The following PDLIM1 variants were observed in gnomAD, a reference collection of about 807,000 sequenced individuals.
The protein encoded by PDLIM1 is PDZ and LIM domain 1.
Under a neutral mutation model 35.2 loss-of-function variants are expected in PDLIM1, and 25 were observed. The ratio of observed to expected loss-of-function variants is 0.71; its 90% confidence interval spans 0.52 to 0.99. The LOEUF (loss-of-function observed/expected upper bound fraction) is 0.99, where lower values mean the gene tolerates loss of function less well. Among genes scored for constraint, PDLIM1 ranks in the 50% least tolerant of loss-of-function variants. The pLI is 0.00. For synonymous variants in PDLIM1, 152 were observed against 154.0 expected (o/e 0.99, Z 0.10); for missense variants, 363 against 415.3 (o/e 0.87, Z 1.09).
chr10:95,282,692 C>T (rs2035570979), intron 1 of PDLIM1, among the ~76,000 whole-genome samples: 1 of 152,220 alleles, frequency 6.6e-6, no homozygotes, highest in Non-Finnish European at 1.5e-5. Flanking sequence ...GTAATCCCAG[C>T]ACTTTGGGAG....
chr10:95,264,062 T>G lies in PDLIM1; in HGVS notation c.335A>C (p.Glu112Ala), dbSNP rs1380692285. Reference sequence around the variant, plus strand: ...GTGGGCGCTTCCTATGTGCAGGACCTCCTGCAGGCAGGGATCAGAGGAGAA... The same window carrying G: ...GTGGGCGCTTCCTATGTGCAGGACCGCCTGCAGGCAGGGATCAGAGGAGAA... The part of the protein sequence containing the change: ...YKMNLASEPQ[E>A]VLHIGSAHNR... The change falls in exon 4 of 7, where the codon GAG becomes GCG. Residue 112 changes from glutamate (E) to alanine (A), a missense_variant and splice_region_variant. Transcript: ENST00000329399. 1 of 1,613,082 alleles carries G rather than the reference T, an allele frequency of 6.2e-7. No homozygotes were observed. Among genetic ancestry groups the G allele is most frequent in the Admixed American group, 1.7e-5 (1 of 60,000 alleles).
intron 1 of PDLIM1, among the ~76,000 whole-genome samples, chr10:95,275,153 C>A (rs2035500102): frequency 6.6e-6 from 1 of 152,158 alleles, no homozygotes; most frequent in Non-Finnish European, 1.5e-5. Context: ...ACTGGATGCC[C>A]CCCGACCAAG....
chr10:95,276,884 G>C (rs913716616), intron 1 of PDLIM1, among the ~76,000 whole-genome samples: 1 of 107,936 alleles, frequency 9.3e-6, no homozygotes, highest in African/African-American at 3.7e-5. Flanking sequence ...AATAGAGTCA[G>C]CTTCAGTTTC....
At chr10:95,245,775 C>T (rs950909446) in intron 5 of PDLIM1, among the ~76,000 whole-genome samples, 1 of 152,170 alleles carries the variant, frequency 6.6e-6, no homozygotes, top group African/African-American at 2.4e-5. Context: ...CCATGGTTTC[C>T]TAATTTCCTA....
At chr10:95,253,012 G>T (rs1306063962) in intron 4 of PDLIM1, among the ~76,000 whole-genome samples, 1 of 151,984 alleles carries the variant, frequency 6.6e-6, no homozygotes, top group Non-Finnish European at 1.5e-5. Flanking sequence ...TTTGGCAAAA[G>T]ACATAAAGAA....
intron 4 of PDLIM1, among the ~76,000 whole-genome samples, chr10:95,254,671 C>T (rs1463220289): frequency 1.3e-5 from 2 of 152,060 alleles, no homozygotes; most frequent in South Asian, 2.1e-4. Context: ...AATCCCAGTA[C>T]TTTGGGAGGT....
intron 1 of PDLIM1, among the ~76,000 whole-genome samples, chr10:95,283,835 C>T (rs2035578955): frequency 1.3e-5 from 2 of 152,206 alleles, no homozygotes; most frequent in South Asian, 4.1e-4. Flanking sequence ...ACTGCTAAAC[C>T]TCCCTGTGCC....
chr10:95,256,986 A>AAAAAGAAAGAAAGAAAGAAAG (rs1554832103), intron 4 of PDLIM1, among the ~76,000 whole-genome samples: 1 of 61,658 alleles, frequency 1.6e-5, no homozygotes, highest in African/African-American at 6.7e-5. Context: ...AAAAAAAAAA[A>AAAAAGAAAGAAAGAAAGAAAG]AAAGAAAGAA....
chr10:95,270,952 T>C (rs532369425), intron 2 of PDLIM1, among the ~76,000 whole-genome samples: 3 of 151,526 alleles, frequency 2.0e-5, no homozygotes, highest in Non-Finnish European at 4.4e-5. Flanking sequence ...GGTTTCACCA[T>C]GTTGGCCAGG....
chr10:95,238,883 T>C (rs2035150264), intron 5 of PDLIM1, 198 bp from the exon 6 acceptor site: 2 of 505,780 alleles, frequency 4.0e-6, no homozygotes, highest in Admixed American at 6.4e-5. Context: ...GATTAACACC[T>C]GGCCAAAGAA....
intron 1 of PDLIM1, among the ~76,000 whole-genome samples, chr10:95,287,876 G>A (rs939866844): frequency 1.3e-5 from 2 of 151,066 alleles, no homozygotes; most frequent in East Asian, 1.9e-4. Flanking sequence ...AGTTGATAAC[G>A]ATACTAGATG....
chr10:95,269,571 CAAAAAA>C (rs11443591), intron 2 of PDLIM1, among the ~76,000 whole-genome samples: 1 of 130,350 alleles, frequency 7.7e-6, no homozygotes, highest in Non-Finnish European at 1.6e-5. Flanking sequence ...GACTCCATCC[CAAAAAA>C]AAAAAAAAAA....
At chr10:95,263,796 C>G (rs1055031071) in intron 4 of PDLIM1, 68 bp downstream of exon 4, 2 of 1,254,210 alleles carry the variant, frequency 1.6e-6, no homozygotes, top group Non-Finnish European at 2.2e-6. Flanking sequence ...CCTGCCTGGG[C>G]AGCCCTGGTC....
At chr10:95,284,635 T>C (rs2035586971) in intron 1 of PDLIM1, among the ~76,000 whole-genome samples, 1 of 152,206 alleles carries the variant, frequency 6.6e-6, no homozygotes, top group Admixed American at 6.5e-5. Flanking sequence ...ATTACAGACA[T>C]AAGCCACCAA....
At chr10:95,259,957 CA>C (rs1215227441) in intron 4 of PDLIM1, among the ~76,000 whole-genome samples, 2 of 152,108 alleles carry the variant, frequency 1.3e-5, no homozygotes, top group Admixed American at 1.3e-4. Context: ...ATTTAATGGG[CA>C]AGAAAGAAGT....
intron 5 of PDLIM1, among the ~76,000 whole-genome samples, chr10:95,243,059 A>G (rs1054034855): frequency 2.0e-5 from 3 of 152,204 alleles, no homozygotes; most frequent in African/African-American, 7.2e-5. Flanking sequence ...AGAATGAGAA[A>G]AAGCCAGGAG....
At chr10:95,267,799 A>G (rs2035428924) in intron 3 of PDLIM1, among the ~76,000 whole-genome samples, 1 of 152,236 alleles carries the variant, frequency 6.6e-6, no homozygotes, top group South Asian at 2.1e-4. Flanking sequence ...TTAATTCACC[A>G]TAAAAACTAA....
chr10:95,265,593 C>CAA (rs56893525), intron 3 of PDLIM1, among the ~76,000 whole-genome samples: 15 of 83,986 alleles, frequency 1.8e-4, no homozygotes, highest in East Asian at 1.4e-3. Flanking sequence ...GGAACTCTGT[C>CAA]AAAAAAAAAA....
intron 1 of PDLIM1, among the ~76,000 whole-genome samples, chr10:95,284,555 T>C (rs1030214235): frequency 2.6e-5 from 4 of 152,302 alleles, no homozygotes; most frequent in East Asian, 3.9e-4. Context: ...GGTTTCACCA[T>C]GTTGGCCAGG....
Sources: gnomAD v4.1 joint callset for allele counts (sites outside exome capture counted in the v4.1 genomes callset) on GRCh38, gnomAD v4.1.1 for gene constraint, MANE v1.5 for transcripts, NCBI Gene and HGNC (gene_info 2026-07-23, HGNC 2026-07-21) for gene names.